TMTC2: variants seen among roughly 807,000 people sequenced by gnomAD.
TMTC2 encodes protein O-mannosyl-transferase TMTC2.
A neutral mutation model predicts 82.4 loss-of-function variants in TMTC2; 43 were observed. The ratio of observed to expected loss-of-function variants is 0.52; its 90% confidence interval spans 0.41 to 0.67. TMTC2 has a LOEUF of 0.67. Ranked by LOEUF, TMTC2 falls within the 30% of genes least tolerant of loss-of-function variation. The pLI is 0.00. For synonymous variants in TMTC2, 408 were observed against 381.9 expected (o/e 1.07, Z -0.80); for missense variants, 919 against 1,012.4 (o/e 0.91, Z 1.25).
intron 1 of TMTC2, among the ~76,000 whole-genome samples, chr12:82,708,693 G>A (rs550527274): frequency 2.0e-5 from 3 of 152,174 alleles, no homozygotes; most frequent in Admixed American, 6.5e-5. Flanking sequence ...TACGATGCTC[G>A]AGTTGCTGTT....
intron 11 of TMTC2, among the ~76,000 whole-genome samples, chr12:83,111,046 A>C (rs927645764): frequency 6.6e-6 from 1 of 152,224 alleles, no homozygotes; most frequent in African/African-American, 2.4e-5. Flanking sequence ...CCAGTCTTAT[A>C]AACCAACTTC....
At chr12:83,063,140 G>A (rs189237070) in intron 11 of TMTC2, among the ~76,000 whole-genome samples, 196 of 151,864 alleles carry the variant, frequency 1.3e-3, no homozygotes, top group Non-Finnish European at 1.8e-3. Context: ...ATGATCTCAT[G>A]GTAATCAGTT....
chr12:82,785,991 T>G (rs1038961042), intron 1 of TMTC2, among the ~76,000 whole-genome samples: 6 of 152,142 alleles, frequency 3.9e-5, no homozygotes, highest in African/African-American at 1.4e-4. Context: ...TCTTCCCATG[T>G]TCTGGTTGCT....
chr12:83,033,808 A>ATGTG (rs1242151450), intron 9 of TMTC2, among the ~76,000 whole-genome samples: 14 of 139,246 alleles, frequency 1.0e-4, no homozygotes, highest in African/African-American at 4.1e-4. Flanking sequence ...ATATACACAT[A>ATGTG]TATGTGTGTG....
At chr12:82,771,023 A>T (rs1290168695) in intron 1 of TMTC2, among the ~76,000 whole-genome samples, 2 of 152,096 alleles carry the variant, frequency 1.3e-5, no homozygotes, top group Non-Finnish European at 2.9e-5. Flanking sequence ...TCTCACCAAC[A>T]TGATGAAACC....
rs147515759 is a variant in TMTC2 at position 83,127,787 on chromosome 12, G to A, written c.2332-4423G>A. 2.8e-3 allele frequency among the ~76,000 whole-genome samples: 433 copies of A among 152,076 alleles called. 1 individual carries two copies. Among genetic ancestry groups the A allele is most frequent in the African/African-American group, 0.01 (419 of 41,478 alleles). On this transcript the variant is annotated intron_variant, in intron 11 of 11. Coordinates refer to ENST00000321196, the MANE Select transcript of TMTC2 (RefSeq NM_152588.3). ...ACTAGAATCAGACCTCCATCATCTT[G>A]CCTTTGCTCTCCCCACCACAATATA...
At chr12:82,873,326 G>A (rs979465931) in intron 2 of TMTC2, among the ~76,000 whole-genome samples, 1 of 151,184 alleles carries the variant, frequency 6.6e-6, no homozygotes, top group Admixed American at 6.6e-5. Context: ...CCTGGTTAAA[G>A]TCTTGTGAAG....
chr12:82,735,604 CA>C (rs1439840334), intron 1 of TMTC2, among the ~76,000 whole-genome samples: 1 of 151,678 alleles, frequency 6.6e-6, no homozygotes, highest in Non-Finnish European at 1.5e-5. Flanking sequence ...CTTGGCCTCC[CA>C]AAGTGCTGGG....
At chr12:82,725,876 C>T (rs1874423661) in intron 1 of TMTC2, among the ~76,000 whole-genome samples, 1 of 152,112 alleles carries the variant, frequency 6.6e-6, no homozygotes, top group African/African-American at 2.4e-5. Context: ...CTGTGGAGAC[C>T]AAGGTTCTTT....
chr12:83,064,532 T>C lies in TMTC2; in HGVS notation c.2331+2701T>C, dbSNP rs139560822. ...TGGATCAACAGATGTGGTTTTTTCC[T>C]AATCTATTTTCAGAATTGTGTTTTG... On this transcript the variant is annotated intron_variant, in intron 11 of 11. Coordinates refer to ENST00000321196, the MANE Select transcript of TMTC2 (RefSeq NM_152588.3). 2.8e-3 allele frequency among the ~76,000 whole-genome samples: 427 copies of C among 152,060 alleles called. 2 individuals are homozygous for C. Among genetic ancestry groups the C allele is most frequent in the African/African-American group, 9.9e-3 (411 of 41,522 alleles).
At chr12:82,730,765 C>A (rs564565898) in intron 1 of TMTC2, among the ~76,000 whole-genome samples, 2 of 152,302 alleles carry the variant, frequency 1.3e-5, no homozygotes, top group South Asian at 4.1e-4. Flanking sequence ...AATAACCTTA[C>A]CTTATTGTGG....
chr12:82,851,185 T>G (rs564734280), intron 1 of TMTC2, among the ~76,000 whole-genome samples: 54 of 152,080 alleles, frequency 3.6e-4, no homozygotes, highest in Non-Finnish European at 6.8e-4. Flanking sequence ...ATCCCAGCAC[T>G]TTGGGAGGCC....
intron 1 of TMTC2, among the ~76,000 whole-genome samples, chr12:82,762,171 G>A (rs1433120332): frequency 6.6e-6 from 1 of 151,984 alleles, no homozygotes; most frequent in Non-Finnish European, 1.5e-5. Flanking sequence ...GTTTCACCAT[G>A]TTAGCCAGGC....
At chr12:82,811,436 A>G (rs1318564290) in intron 1 of TMTC2, among the ~76,000 whole-genome samples, 1 of 152,028 alleles carries the variant, frequency 6.6e-6, no homozygotes, top group African/African-American at 2.4e-5. Flanking sequence ...TTTTACAATA[A>G]TAGTATTAAT....
chr12:83,059,755 A>G (rs1882674572), intron 10 of TMTC2, among the ~76,000 whole-genome samples: 1 of 151,754 alleles, frequency 6.6e-6, no homozygotes, highest in Non-Finnish European at 1.5e-5. Flanking sequence ...AAGGCATTTT[A>G]TCTGATGGAT....
At chr12:83,073,806 G>A in intron 11 of TMTC2, among the ~76,000 whole-genome samples, 1 of 152,116 alleles carries the variant, frequency 6.6e-6, no homozygotes, top group South Asian at 2.1e-4. Context: ...CTAAAAGTAT[G>A]TCTATAATTT....
chr12:82,938,102 C>G (rs1458536041), intron 4 of TMTC2, among the ~76,000 whole-genome samples: 2 of 151,226 alleles, frequency 1.3e-5, no homozygotes, highest in Non-Finnish European at 3.0e-5. Context: ...TTAGTAGAGA[C>G]GGGGTTTCGC....
At chr12:82,968,378 A>G (rs1342917634) in intron 7 of TMTC2, among the ~76,000 whole-genome samples, 1 of 152,172 alleles carries the variant, frequency 6.6e-6, no homozygotes, top group Non-Finnish European at 1.5e-5. Flanking sequence ...CATGTCCATA[A>G]AGCATGCGCT....
intron 1 of TMTC2, among the ~76,000 whole-genome samples, chr12:82,786,700 A>G (rs1396028307): frequency 6.6e-6 from 1 of 152,062 alleles, no homozygotes; most frequent in Non-Finnish European, 1.5e-5. Flanking sequence ...CTTTGTCTCA[A>G]CAGTGATCTG....
Sources: gnomAD v4.1 joint callset for allele counts (sites outside exome capture counted in the v4.1 genomes callset) on GRCh38, gnomAD v4.1.1 for gene constraint, MANE v1.5 for transcripts, NCBI Gene and HGNC (gene_info 2026-07-23, HGNC 2026-07-21) for gene names.